The following R3HDM2 variants were observed in gnomAD, a reference collection of about 807,000 sequenced individuals.
R3HDM2 encodes R3H domain containing 2.
R3HDM2 carries 38 observed loss-of-function variants against 124.5 expected under a neutral mutation model. The ratio of observed to expected loss-of-function variants is 0.31; its 90% CI spans 0.24 to 0.40. The LOEUF (loss-of-function observed/expected upper bound fraction) is 0.40. Ranked by LOEUF, R3HDM2 falls within the 10% of genes least tolerant of loss-of-function variation. The probability of loss-of-function intolerance (pLI) is 1.00; values close to 1 mark genes in which losing one functional copy is unlikely to be tolerated. For missense variants in R3HDM2, 869 were observed against 1,236.9 expected (o/e 0.70, Z 4.46); for synonymous variants, 391 against 448.0 (o/e 0.87, Z 1.61).
intron 2 of R3HDM2, among the ~76,000 whole-genome samples, chr12:57,345,675 G>A (rs1328636377): frequency 6.6e-6 from 1 of 151,866 alleles, no homozygotes; most frequent in East Asian, 1.9e-4. Context: ...CAGGTAGCTG[G>A]GACTACAGGC....
chr12:57,396,150 G>A (rs2067464090), intron 1 of R3HDM2, among the ~76,000 whole-genome samples: 1 of 152,118 alleles, frequency 6.6e-6, no homozygotes. Context: ...ATTAAAAAGA[G>A]TAGTCTAGGC....
intron 11 of R3HDM2, among the ~76,000 whole-genome samples, chr12:57,290,161 T>C (rs2048291712): frequency 6.6e-6 from 1 of 152,248 alleles, no homozygotes; most frequent in Non-Finnish European, 1.5e-5. Flanking sequence ...CTGTTGTACA[T>C]AATTAGCTCT....
chr12:57,382,743 G>A (rs1488787607), intron 2 of R3HDM2, among the ~76,000 whole-genome samples: 1 of 151,700 alleles, frequency 6.6e-6, no homozygotes, highest in Non-Finnish European at 1.5e-5. Context: ...GGCTGAGGCA[G>A]GAGAATGGCT....
chr12:57,345,351 A>G (rs1254144951), intron 2 of R3HDM2, among the ~76,000 whole-genome samples: 1 of 152,190 alleles, frequency 6.6e-6, no homozygotes, highest in Non-Finnish European at 1.5e-5. Context: ...CAAACAGGAT[A>G]AACACAAACA....
At chr12:57,416,470 A>G (rs531410770) in intron 1 of R3HDM2, among the ~76,000 whole-genome samples, 2 of 152,340 alleles carry the variant, frequency 1.3e-5, no homozygotes, top group South Asian at 4.1e-4. Context: ...TGGCTGCCCA[A>G]TAGAAACTTG....
intron 2 of R3HDM2, among the ~76,000 whole-genome samples, chr12:57,332,016 G>A (rs2058266654): frequency 6.6e-6 from 1 of 151,890 alleles, no homozygotes; most frequent in South Asian, 2.1e-4. Context: ...TTTGAGCCCA[G>A]GAGGCTATGG....
chr12:57,333,666 G>C (rs1452050251), intron 2 of R3HDM2, among the ~76,000 whole-genome samples: 1 of 151,756 alleles, frequency 6.6e-6, no homozygotes, highest in Non-Finnish European at 1.5e-5. Flanking sequence ...CAGCCTGGGT[G>C]ACAAGAGCGA....
chr12:57,410,318 TAA>T (rs56412130), intron 1 of R3HDM2, among the ~76,000 whole-genome samples: 3,891 of 100,074 alleles, frequency 0.039, 258 homozygotes, highest in Admixed American at 0.19. Flanking sequence ...AGTATAACCT[TAA>T]AAAAAAAAAA....
chr12:57,413,331 T>C (rs540730), intron 1 of R3HDM2, among the ~76,000 whole-genome samples: 108,509 of 151,184 alleles, frequency 0.72, 39,659 homozygotes, highest in Middle Eastern at 0.93. Context: ...TGGTAGCTCA[T>C]GTCTGTACTC....
At chr12:57,281,103 A>C (rs1468889615) in intron 13 of R3HDM2, among the ~76,000 whole-genome samples, 1 of 152,064 alleles carries the variant, frequency 6.6e-6, no homozygotes, top group East Asian at 1.9e-4. Context: ...GCCAACCAAC[A>C]TAGTGAAACT....
chr12:57,417,115 C>G (rs1431754080), intron 1 of R3HDM2, among the ~76,000 whole-genome samples: 1 of 148,584 alleles, frequency 6.7e-6, no homozygotes, highest in Non-Finnish European at 1.5e-5. Context: ...GAGACTCTGT[C>G]TCAACAACAA....
At chr12:57,372,700 A>G (rs930042662) in intron 2 of R3HDM2, among the ~76,000 whole-genome samples, 8 of 152,216 alleles carry the variant, frequency 5.3e-5, no homozygotes, top group African/African-American at 1.7e-4. Flanking sequence ...GATTTTCCAC[A>G]CCACCAAATT....
At chr12:57,328,567 C>T (rs997248015) in intron 2 of R3HDM2, among the ~76,000 whole-genome samples, 1 of 152,094 alleles carries the variant, frequency 6.6e-6, no homozygotes, top group African/African-American at 2.4e-5. Context: ...CAGTAGGTTG[C>T]CCAGGCTGGA....
At chr12:57,375,975 TC>T (rs2064012465) in intron 2 of R3HDM2, among the ~76,000 whole-genome samples, 1 of 152,180 alleles carries the variant, frequency 6.6e-6, no homozygotes, top group Non-Finnish European at 1.5e-5. Context: ...CCCAGCCAGA[TC>T]AGCTGCTTTC....
intron 1 of R3HDM2, among the ~76,000 whole-genome samples, chr12:57,401,123 T>C (rs918660557): frequency 2.0e-5 from 3 of 151,490 alleles, no homozygotes; most frequent in Non-Finnish European, 4.4e-5. Flanking sequence ...ACTATGCCCA[T>C]GTTTAACATG....
chr12:57,315,799 G>A (rs933032194), intron 2 of R3HDM2, among the ~76,000 whole-genome samples: 9 of 152,226 alleles, frequency 5.9e-5, no homozygotes, highest in Non-Finnish European at 1.3e-4. Flanking sequence ...CCATAAAACA[G>A]ACTCATTTAA....
chr12:57,266,947 A>T, intron 18 of R3HDM2, 116 bp from the exon 19 acceptor site: 1 of 673,304 alleles, frequency 1.5e-6, no homozygotes, highest in South Asian at 2.0e-5. Flanking sequence ...ACTTCAAGCC[A>T]TTCCCAGACC....
intron 1 of R3HDM2, among the ~76,000 whole-genome samples, chr12:57,425,000 C>T (rs567455660): frequency 9.2e-5 from 14 of 152,300 alleles, no homozygotes; most frequent in East Asian, 1.9e-4. Context: ...CAGTCAGGTG[C>T]GGTGGCTCAC....
At chr12:57,353,860 T>C (rs1324480469) in intron 2 of R3HDM2, among the ~76,000 whole-genome samples, 1 of 152,126 alleles carries the variant, frequency 6.6e-6, no homozygotes, top group Non-Finnish European at 1.5e-5. Flanking sequence ...TTTTTTTTAT[T>C]TTTTTATTTT....
Sources: gnomAD v4.1 joint callset for allele counts (sites outside exome capture counted in the v4.1 genomes callset) on GRCh38, gnomAD v4.1.1 for gene constraint, MANE v1.5 for transcripts, NCBI Gene and HGNC (gene_info 2026-07-23, HGNC 2026-07-21) for gene names.